Variants in GLMN observed in about 807,000 individuals in gnomAD.
The protein encoded by GLMN is glomulin.
In GLMN, 75 loss-of-function variants were observed where a neutral mutation model predicts 87.8. That is an observed-to-expected ratio of 0.85 (90% CI 0.71 to 1.04). GLMN has a LOEUF of 1.04. Ranked by LOEUF, GLMN falls within the 50% of genes least tolerant of loss-of-function variation. The pLI, the probability that GLMN is intolerant of heterozygous loss-of-function variation, is 0.00. For missense variants in GLMN, 588 were observed against 658.8 expected (o/e 0.89, Z 1.18); for synonymous variants, 206 against 221.6 (o/e 0.93, Z 0.63).
the GLMN span, among the ~76,000 whole-genome samples, chr1:92,364,261 A>G: frequency 6.6e-6 from 1 of 152,212 alleles, no homozygotes; most frequent in Non-Finnish European, 1.5e-5. Context: ...TGGAGAAAGC[A>G]GATTGCAACA....
chr1:92,264,483 A>G (rs1655386124), intron 14 of GLMN, 71 bp downstream of exon 14: 3 of 754,496 alleles, frequency 4.0e-6, no homozygotes, highest in Non-Finnish European at 7.2e-6. Context: ...ACTCACATTA[A>G]TGTATTCTAC....
chr1:92,318,088 CT>C, the GLMN span, among the ~76,000 whole-genome samples: 3 of 152,210 alleles, frequency 2.0e-5, no homozygotes, highest in Non-Finnish European at 4.4e-5. Context: ...GACCCTCTTA[CT>C]TTTGTTTTCT....
At chr1:92,349,166 C>A in the GLMN span, among the ~76,000 whole-genome samples, 7,335 of 152,174 alleles carry the variant, frequency 0.048, 610 homozygotes, top group African/African-American at 0.17. Context: ...TAAGTCACAA[C>A]TTGTAGACAT....
the GLMN span, among the ~76,000 whole-genome samples, chr1:92,363,490 T>C: frequency 6.6e-6 from 1 of 152,202 alleles, no homozygotes; most frequent in Non-Finnish European, 1.5e-5. Flanking sequence ...TTTTACATCA[T>C]GCCTAACAAC....
At chr1:92,337,575 C>T in the GLMN span, among the ~76,000 whole-genome samples, 6 of 152,038 alleles carry the variant, frequency 3.9e-5, no homozygotes, top group African/African-American at 1.4e-4. Context: ...TCATAGATTC[C>T]AAACTATAGA....
chr1:92,263,524 A>G, intron 15 of GLMN, 99 bp downstream of exon 15: 1 of 772,572 alleles, frequency 1.3e-6, no homozygotes. Context: ...AGATCATAAA[A>G]TCACAGGAAA....
chr1:92,370,337 A>C, the GLMN span, among the ~76,000 whole-genome samples: 6 of 152,350 alleles, frequency 3.9e-5, no homozygotes, highest in East Asian at 1.2e-3. Context: ...ACACCACTGC[A>C]AACACCAATC....
intron 7 of GLMN, among the ~76,000 whole-genome samples, chr1:92,277,850 T>C (rs1415157102): frequency 6.6e-6 from 1 of 152,096 alleles, no homozygotes; most frequent in Non-Finnish European, 1.5e-5. Context: ...GTGCCCTGAG[T>C]TCTGTAAGCC....
intron 7 of GLMN, among the ~76,000 whole-genome samples, chr1:92,277,316 G>A (rs1433755964): frequency 6.6e-6 from 1 of 152,152 alleles, no homozygotes; most frequent in African/African-American, 2.4e-5. Context: ...CCTAAACACA[G>A]TTTGATTACA....
chr1:92,269,004 G>A lies in GLMN; in HGVS notation c.977+719C>T, dbSNP rs567272246. The stretch of plus-strand genomic sequence containing the variant: ...CATGATCTCTGCTCACTGCAGCCCA[G>A]ACCTCCCAGGCACAGGTGATTCTTT... On this transcript the variant is annotated intron_variant, in intron 9 of 18. Transcript: ENST00000370360. Among the ~76,000 whole-genome samples the A allele has an allele frequency of 7.3e-5, 11 of 149,770 alleles. No individual in the cohort carries two copies. The East Asian group carries it at 2.2e-3, about 30-fold the overall frequency.
At chr1:92,327,693 G>A in the GLMN span, among the ~76,000 whole-genome samples, 10 of 150,748 alleles carry the variant, frequency 6.6e-5, no homozygotes, top group Middle Eastern at 3.4e-3. Context: ...TCTATTCATC[G>A]TGCTATTTGT....
At chr1:92,303,509 CTG>C (rs1189149908), upstream of GLMN, among the ~76,000 whole-genome samples, 1 of 152,154 alleles carries the variant, frequency 6.6e-6, no homozygotes, top group African/African-American at 2.4e-5. Context: ...TTTGCACAAA[CTG>C]TGTTCTGCAG....
the GLMN span, among the ~76,000 whole-genome samples, chr1:92,339,941 T>A: frequency 1.3e-5 from 2 of 152,292 alleles, no homozygotes; most frequent in South Asian, 2.1e-4. Context: ...AGATTAGCAG[T>A]AGTGTTGAAT....
At chr1:92,354,643 CATTTT>C in the GLMN span, among the ~76,000 whole-genome samples, 5 of 151,986 alleles carry the variant, frequency 3.3e-5, no homozygotes, top group African/African-American at 1.2e-4. Flanking sequence ...ATAAGAAAAA[CATTTT>C]ATTTTATTTG....
chr1:92,288,912 A>T lies in GLMN; in HGVS notation c.632+2T>A. Reference sequence around the variant, plus strand: ...GTGAGATGTTCTTAAAATTATACTTACAATTTCAGTAATTCATCCTTTAAC... The same window carrying T: ...GTGAGATGTTCTTAAAATTATACTTTCAATTTCAGTAATTCATCCTTTAAC... On this transcript the variant is annotated splice_donor_variant, in intron 6 of 18. Coordinates refer to ENST00000370360, the MANE Select transcript of GLMN (RefSeq NM_053274.3). LOFTEE classifies it high-confidence loss of function. 7.3e-7 allele frequency: 1 copy of T among 1,376,948 alleles called. No individual in the cohort carries two copies. The highest frequency in any genetic ancestry group is 1.2e-5 in the South Asian group (1 of 86,202). 85.3% of individuals were successfully genotyped at this position (1,376,948 alleles called of 1,614,324 possible).
the GLMN span, among the ~76,000 whole-genome samples, chr1:92,326,102 A>T: frequency 6.6e-6 from 1 of 151,934 alleles, no homozygotes; most frequent in Non-Finnish European, 1.5e-5. Flanking sequence ...AGATAATGCC[A>T]AACAGTTTTC....
the GLMN span, among the ~76,000 whole-genome samples, chr1:92,327,513 T>G: frequency 2.6e-5 from 4 of 152,208 alleles, no homozygotes; most frequent in African/African-American, 9.6e-5. Flanking sequence ...ATGGAATATG[T>G]TTTTCCACCC....
At chr1:92,320,856 C>T in the GLMN span, among the ~76,000 whole-genome samples, 2 of 152,060 alleles carry the variant, frequency 1.3e-5, no homozygotes, top group Non-Finnish European at 2.9e-5. Flanking sequence ...CTGTTCCTCC[C>T]GAGGAAATCT....
At chr1:92,299,750 T>C (rs533123675), upstream of GLMN, among the ~76,000 whole-genome samples, 1 of 152,344 alleles carries the variant, frequency 6.6e-6, no homozygotes, top group South Asian at 2.1e-4. Flanking sequence ...TCATTTTGAT[T>C]TACACACGAT....
Sources: gnomAD v4.1 joint callset for allele counts (sites outside exome capture counted in the v4.1 genomes callset) on GRCh38, gnomAD v4.1.1 for gene constraint, MANE v1.5 for transcripts, NCBI Gene and HGNC (gene_info 2026-07-23, HGNC 2026-07-21) for gene names.